ALDH3B1: variants seen among roughly 807,000 people sequenced by gnomAD.
The protein encoded by ALDH3B1 is aldehyde dehydrogenase family 3 member B1.
ALDH3B1 carries 37 observed loss-of-function variants against 46.2 expected under a neutral mutation model. The ratio of observed to expected loss-of-function variants is 0.80; its 90% CI spans 0.62 to 1.05. The LOEUF (loss-of-function observed/expected upper bound fraction) is 1.05. ALDH3B1 is among the 50% of genes least tolerant of loss of function. The pLI is 0.00. For missense variants in ALDH3B1, 603 were observed against 665.5 expected (o/e 0.91, Z 1.03); for synonymous variants, 283 against 281.0 (o/e 1.01, Z -0.07).
At chr11:68,026,404 C>T (rs188599027) in intron 9 of ALDH3B1, among the ~76,000 whole-genome samples, 4 of 152,310 alleles carry the variant, frequency 2.6e-5, no homozygotes, top group Admixed American at 1.3e-4. Flanking sequence ...GATCACACTG[C>T]CCACTGCGAT....
chr11:68,020,159 T>C (rs370308079), intron 6 of ALDH3B1, among the ~76,000 whole-genome samples: 120 of 152,228 alleles, frequency 7.9e-4, no homozygotes, highest in African/African-American at 2.7e-3. Context: ...AGGGTCACCC[T>C]GCTGGCCAGG....
chr11:68,013,008 G>A (rs1401810533), intron 1 of ALDH3B1, among the ~76,000 whole-genome samples: 2 of 152,032 alleles, frequency 1.3e-5, no homozygotes, highest in African/African-American at 4.8e-5. Flanking sequence ...ACCTCACACT[G>A]TGGGATGAGT....
intron 8 of ALDH3B1, among the ~76,000 whole-genome samples, chr11:68,023,668 CA>C (rs978922632): frequency 6.6e-6 from 1 of 151,980 alleles, no homozygotes; most frequent in African/African-American, 2.4e-5. Flanking sequence ...GAAAAGTTGC[CA>C]AAATGGTACA....
chr11:68,015,209 A>G lies in ALDH3B1; in HGVS notation c.-1-88A>G. On this transcript the variant is annotated intron_variant, in intron 1 of 9. Transcript: ENST00000342456. ...AAGCCCCTGTGGGTGCAGGCAGGTCAGGGGTGCCCAGACCCTGGGGCGGCT... is the reference window on the plus strand; with the variant it reads ...AAGCCCCTGTGGGTGCAGGCAGGTCGGGGGTGCCCAGACCCTGGGGCGGCT... 2.2e-6 allele frequency: 3 copies of G among 1,370,948 alleles called. No homozygotes were observed. In the South Asian group the frequency reaches 4.5e-5, roughly 21 times the overall value. 84.9% of individuals were successfully genotyped at this position (1,370,948 alleles called of 1,614,324 possible).
In ALDH3B1 at chr11:68,028,851, AG is replaced by A. The variant is rs1854665860; in HGVS notation, c.*915del. 1 of 152,246 alleles carries A rather than the reference AG, an allele frequency of 6.6e-6. No individual in the cohort carries two copies. Among genetic ancestry groups the A allele is most frequent in the South Asian group, 2.1e-4 (1 of 4,846 alleles). 9.4% of individuals were successfully genotyped at this position (152,246 alleles called of 1,614,324 possible). ...GCAGGTGGGGCTGTGGTTATGCGATAGGGTCTCCCTTCCCTCCAGCCCATGC... is the reference window on the plus strand; with the variant it reads ...GCAGGTGGGGCTGTGGTTATGCGATAGGTCTCCCTTCCCTCCAGCCCATGC... On this transcript the variant is annotated 3_prime_UTR_variant, in exon 10 of 10. Transcript: ENST00000342456.
chr11:68,018,829 C>G lies in ALDH3B1; in HGVS notation c.330C>G (p.Ile110Met). 6.4e-7 allele frequency: 1 copy of G among 1,565,536 alleles called. No homozygotes were observed. Among genetic ancestry groups the G allele is most frequent in the Non-Finnish European group, 8.7e-7 (1 of 1,155,504 alleles). ...IRKEPFGLVL[I>M]IAPWNYPLNL... Reference sequence around the variant, plus strand: ...AGGAGCCCTTTGGCCTGGTCCTCATCATTGCGCCCTGGAACTATCCGCTGA... The same window carrying G: ...AGGAGCCCTTTGGCCTGGTCCTCATGATTGCGCCCTGGAACTATCCGCTGA... The change falls in exon 4 of 10, where the codon ATC becomes ATG. Residue 110 changes from isoleucine to methionine, a missense_variant. Ile to Met is a conservative substitution (Grantham distance 10). Transcript: ENST00000342456.
intron 2 of ALDH3B1, chr11:68,018,234 C>T: frequency 1.1e-5 from 5 of 450,324 alleles, no homozygotes; most frequent in Non-Finnish European, 1.6e-5. Context: ...TCTCCACCCC[C>T]ACCCTGCTCC....
At chr11:68,019,856 C>T in intron 6 of ALDH3B1, 60 bp downstream of exon 6, 7 of 1,552,906 alleles carry the variant, frequency 4.5e-6, no homozygotes, top group Non-Finnish European at 6.2e-6. Context: ...GCTCAGGGGT[C>T]CTGTCCCTAA....
intron 8 of ALDH3B1, among the ~76,000 whole-genome samples, chr11:68,023,375 C>T (rs1291859751): frequency 6.7e-6 from 1 of 149,768 alleles, no homozygotes; most frequent in African/African-American, 2.5e-5. Context: ...ACAGTCTTGG[C>T]TCACTGCAAC....
chr11:68,012,578 T>C (rs1252801505), intron 1 of ALDH3B1, among the ~76,000 whole-genome samples: 1 of 152,154 alleles, frequency 6.6e-6, no homozygotes, highest in Non-Finnish European at 1.5e-5. Context: ...CAAGAGGCAG[T>C]CTCAGACCCC....
chr11:68,012,919 G>A (rs1029540303), intron 1 of ALDH3B1, among the ~76,000 whole-genome samples: 6 of 152,298 alleles, frequency 3.9e-5, no homozygotes, highest in African/African-American at 1.4e-4. Context: ...CTCCTTCAGT[G>A]GGGTGAATAG....
chr11:68,022,810 C>T (rs3764817), intron 8 of ALDH3B1, 49 bp downstream of exon 8: 377,144 of 1,607,854 alleles, frequency 0.23, 46,201 homozygotes, highest in African/African-American at 0.4. Flanking sequence ...CAGTGGGCAG[C>T]ACAAGTGGTG....
At chr11:68,026,192 C>A in intron 9 of ALDH3B1, 84 bp downstream of exon 9, 1 of 1,180,002 alleles carries the variant, frequency 8.5e-7, no homozygotes, top group Non-Finnish European at 1.2e-6. Flanking sequence ...CCAAAGCACC[C>A]CAGCCCCACC....
chr11:68,012,003 T>C (rs1426820532), intron 1 of ALDH3B1, among the ~76,000 whole-genome samples: 1 of 152,230 alleles, frequency 6.6e-6, no homozygotes, highest in Non-Finnish European at 1.5e-5. Context: ...TGCTGCAGTT[T>C]AAACCCAGGT....
At chr11:68,021,443 C>T (rs779529616) in intron 6 of ALDH3B1, 42 bp from the exon 7 acceptor site, 13 of 1,579,732 alleles carry the variant, frequency 8.2e-6, no homozygotes, top group East Asian at 2.2e-5. Context: ...CCCGCCTGGT[C>T]CAGGTCACTG....
intron 2 of ALDH3B1, 158 bp downstream of exon 2, chr11:68,015,617 C>A: frequency 1.1e-6 from 1 of 941,954 alleles, no homozygotes; most frequent in Non-Finnish European, 1.7e-6. Context: ...TTCATCCAGT[C>A]ACTTATTTCT....
chr11:68,019,854 G>T (rs987961490), intron 6 of ALDH3B1, 58 bp downstream of exon 6: 5 of 1,560,084 alleles, frequency 3.2e-6, no homozygotes, highest in Non-Finnish European at 4.4e-6. Context: ...CTGCTCAGGG[G>T]TCCTGTCCCT....
intron 2 of ALDH3B1, chr11:68,016,776 T>G (rs894747841): frequency 6.6e-6 from 1 of 152,132 alleles, no homozygotes; most frequent in African/African-American, 2.4e-5. Context: ...GGGGACTGAC[T>G]CCCCCGCCAC....
chr11:68,024,157 T>C (rs1175271791), intron 8 of ALDH3B1: 1 of 152,226 alleles, frequency 6.6e-6, no homozygotes, highest in African/African-American at 2.4e-5. Context: ...ATCCCCAGCC[T>C]CAGGTCATCT....
Sources: allele counts gnomAD v4.1 joint callset (sites outside exome capture counted in the v4.1 genomes callset), GRCh38; gene constraint gnomAD v4.1.1; transcripts MANE v1.5; gene names NCBI Gene and HGNC (gene_info 2026-07-23, HGNC 2026-07-21).